Variants in SCFD2 observed in about 807,000 individuals in gnomAD.
SCFD2 encodes the protein sec1 family domain-containing protein 2.
In SCFD2, 54 loss-of-function variants were observed where a neutral mutation model predicts 58.9. The ratio of observed to expected loss-of-function variants is 0.92; its 90% CI spans 0.74 to 1.15. SCFD2 has a LOEUF of 1.15. Among genes scored for constraint, SCFD2 ranks in the 50% most tolerant of loss-of-function variants. The pLI is 0.00. For synonymous variants in SCFD2, 321 were observed against 335.9 expected (o/e 0.96, Z 0.49); for missense variants, 805 against 836.6 (o/e 0.96, Z 0.47).
At chr4:53,055,473 T>TG (rs1723311235) in intron 5 of SCFD2, among the ~76,000 whole-genome samples, 1 of 152,104 alleles carries the variant, frequency 6.6e-6, no homozygotes, top group South Asian at 2.1e-4. Flanking sequence ...CCTGAGGGTT[T>TG]GGAAAGTTGC....
In SCFD2 at chr4:53,104,881, T is replaced by C. The variant is rs1724940951; in HGVS notation, c.1561+40452A>G. 2.0e-5 allele frequency among the ~76,000 whole-genome samples: 3 copies of C among 151,980 alleles called. No homozygotes were observed. The South Asian group carries it at 6.2e-4, about 32-fold the overall frequency. On this transcript the variant is annotated intron_variant, in intron 5 of 8. Coordinates refer to ENST00000401642, the MANE Select transcript of SCFD2 (RefSeq NM_152540.4). ...AGAGATTTGGTAGTAAAAAGAGAAT[T>C]AGAGAGTGGCTGGCAAGATGGCTGA...
At chr4:53,140,412 T>TATATATATAA (rs1560353891) in intron 5 of SCFD2, among the ~76,000 whole-genome samples, 1 of 143,526 alleles carries the variant, frequency 7.0e-6, no homozygotes. Flanking sequence ...TATATATATA[T>TATATATATAA]AAATTTTAAT....
At chr4:53,350,472 CT>C (rs1734183126) in intron 2 of SCFD2, among the ~76,000 whole-genome samples, 1 of 152,024 alleles carries the variant, frequency 6.6e-6, no homozygotes, top group African/African-American at 2.4e-5. Context: ...ATTAATAATC[CT>C]TCCTTTCATT....
chr4:53,081,744 T>C (rs1352715162), intron 5 of SCFD2, among the ~76,000 whole-genome samples: 1 of 152,144 alleles, frequency 6.6e-6, no homozygotes, highest in Non-Finnish European at 1.5e-5. Context: ...ATTGACAAGA[T>C]TGTACAAGTG....
At chr4:53,337,852 A>T (rs1301038805) in intron 2 of SCFD2, among the ~76,000 whole-genome samples, 1 of 152,218 alleles carries the variant, frequency 6.6e-6, no homozygotes, top group African/African-American at 2.4e-5. Flanking sequence ...TTTTATAAAC[A>T]TTATAAATTT....
chr4:53,311,247 G>C (rs78442969), intron 3 of SCFD2, among the ~76,000 whole-genome samples: 2,649 of 152,046 alleles, frequency 0.017, 83 homozygotes, highest in African/African-American at 0.061. Flanking sequence ...CAATCTTTTT[G>C]GTCCTTCTTA....
intron 4 of SCFD2, among the ~76,000 whole-genome samples, chr4:53,191,810 A>T (rs886609566): frequency 3.9e-5 from 6 of 152,312 alleles, no homozygotes; most frequent in African/African-American, 1.2e-4. Context: ...AACAGAAAGC[A>T]CCAATTAGAA....
At chr4:53,225,286 T>C (rs923009946) in intron 4 of SCFD2, among the ~76,000 whole-genome samples, 3 of 152,224 alleles carry the variant, frequency 2.0e-5, no homozygotes, top group Non-Finnish European at 2.9e-5. Context: ...TATTATTTGA[T>C]AATCTTTGAT....
At chr4:52,899,610 A>G (rs1212045819) in intron 7 of SCFD2, among the ~76,000 whole-genome samples, 1 of 152,130 alleles carries the variant, frequency 6.6e-6, no homozygotes, top group Non-Finnish European at 1.5e-5. Flanking sequence ...ACTTTGGTGA[A>G]TCTGACAATT....
chr4:53,236,556 T>C (rs1396529600), intron 4 of SCFD2, among the ~76,000 whole-genome samples: 1 of 150,492 alleles, frequency 6.6e-6, no homozygotes, highest in Admixed American at 6.6e-5. Context: ...GTGCTTCTTG[T>C]TATATAAAGT....
At chr4:53,214,720 C>T (rs527768535) in intron 4 of SCFD2, among the ~76,000 whole-genome samples, 1 of 152,242 alleles carries the variant, frequency 6.6e-6, no homozygotes, top group East Asian at 1.9e-4. Context: ...GACATGAAGT[C>T]CTTGCCCATG....
rs550514388 is a variant in SCFD2 at position 53,254,669 on chromosome 4, A to G, written c.1311+19157T>C. Among the ~76,000 whole-genome samples, 3 of 151,108 alleles carry G rather than the reference A, an allele frequency of 2.0e-5. No homozygotes were observed. The South Asian group carries it at 6.3e-4, about 32-fold the overall frequency. On this transcript the variant is annotated intron_variant, in intron 4 of 8. Coordinates refer to ENST00000401642, the MANE Select transcript of SCFD2 (RefSeq NM_152540.4). ...ATGTCATTTTAGACCAGTGCTGACC[A>G]TTTCTCTTATTCTGAGATGAAGGAA...
chr4:53,249,622 C>T (rs567091283), intron 4 of SCFD2, among the ~76,000 whole-genome samples: 20 of 152,204 alleles, frequency 1.3e-4, no homozygotes, highest in Non-Finnish European at 2.8e-4. Flanking sequence ...AAAAACTCTA[C>T]AAGCCAGAAG....
chr4:52,897,177 G>A (rs1347938916), intron 7 of SCFD2, among the ~76,000 whole-genome samples: 1 of 152,212 alleles, frequency 6.6e-6, no homozygotes, highest in African/African-American at 2.4e-5. Flanking sequence ...GCCCTGGCCA[G>A]AACTTCCAAC....
rs1021776618 is a variant in SCFD2, at chr4:53,352,693, T to C, written c.912A>G (p.Thr304=). The change falls in exon 2 of 9, where the codon ACA becomes ACG. Residue 304 remains threonine (T), a synonymous_variant. Coordinates refer to ENST00000401642, the MANE Select transcript of SCFD2 (RefSeq NM_152540.4). ...ISALPQLPGH[T]NDVMVNMIAL... Reference sequence around the variant, plus strand: ...CTATCATGTTAACCATCACATCATTTGTGTGGCCTGGGAGCTGGGGAAGTG... The same window carrying C: ...CTATCATGTTAACCATCACATCATTCGTGTGGCCTGGGAGCTGGGGAAGTG... The C allele has an allele frequency of 3.7e-6, 6 of 1,614,120 alleles. No individual in the cohort carries two copies. The highest frequency in any genetic ancestry group is 2.7e-5 in the African/African-American group (2 of 75,040).
At chr4:52,904,051 C>T (rs1245134216) in intron 7 of SCFD2, among the ~76,000 whole-genome samples, 1 of 152,206 alleles carries the variant, frequency 6.6e-6, no homozygotes, top group Non-Finnish European at 1.5e-5. Context: ...ACACTCCACA[C>T]CCCACGGGAA....
chr4:52,875,023 G>A (rs1217494741), intron 8 of SCFD2, among the ~76,000 whole-genome samples: 2 of 152,176 alleles, frequency 1.3e-5, no homozygotes, highest in African/African-American at 4.8e-5. Flanking sequence ...TTATGAAATA[G>A]ATACGTTTAT....
intron 3 of SCFD2, among the ~76,000 whole-genome samples, chr4:53,289,493 GAA>G (rs1337178991): frequency 6.6e-6 from 1 of 151,992 alleles, no homozygotes; most frequent in African/African-American, 2.4e-5. Context: ...ATGAGAAAAA[GAA>G]AAGGAATCAA....
At chr4:52,998,253 T>C (rs1721787850) in intron 5 of SCFD2, among the ~76,000 whole-genome samples, 1 of 152,234 alleles carries the variant, frequency 6.6e-6, no homozygotes. Context: ...AAAGTCCTAC[T>C]ATGTGCCAGG....
Sources: gnomAD v4.1 joint callset for allele counts (sites outside exome capture counted in the v4.1 genomes callset) on GRCh38, gnomAD v4.1.1 for gene constraint, MANE v1.5 for transcripts, NCBI Gene and HGNC (gene_info 2026-07-23, HGNC 2026-07-21) for gene names.